Variants in PPM1E observed in about 807,000 individuals in gnomAD.
PPM1E encodes protein phosphatase, Mg2+/Mn2+ dependent 1E, also known as protein phosphatase 1E.
PPM1E carries 20 observed loss-of-function variants against 65.9 expected under a neutral mutation model. That is an observed-to-expected ratio of 0.30 (90% CI 0.21 to 0.44). PPM1E has a LOEUF of 0.44. PPM1E is among the 20% of genes least tolerant of loss of function. PPM1E has a pLI of 1.00. For missense variants in PPM1E, 713 were observed against 953.1 expected (o/e 0.75, Z 3.32); for synonymous variants, 352 against 374.9 (o/e 0.94, Z 0.70).
intron 1 of PPM1E, among the ~76,000 whole-genome samples, chr17:58,854,166 A>G (rs2050857370): frequency 6.6e-6 from 1 of 152,068 alleles, no homozygotes; most frequent in South Asian, 2.1e-4. Context: ...TTTTGGTGCT[A>G]CTATAAATAG....
chr17:58,864,621 C>T (rs1194640753), intron 1 of PPM1E, among the ~76,000 whole-genome samples: 2 of 151,388 alleles, frequency 1.3e-5, no homozygotes, highest in Non-Finnish European at 2.9e-5. Flanking sequence ...GCCTGGGCGA[C>T]AGAGCGAGAC....
At chr17:58,810,543 A>T (rs1038711445) in intron 1 of PPM1E, among the ~76,000 whole-genome samples, 1 of 151,950 alleles carries the variant, frequency 6.6e-6, no homozygotes, top group African/African-American at 2.4e-5. Context: ...GGAAGCAAAT[A>T]ATATATATAT....
At chr17:58,951,488 G>C (rs1053314691) in intron 1 of PPM1E, 1 of 152,128 alleles carries the variant, frequency 6.6e-6, no homozygotes, top group Non-Finnish European at 1.5e-5. Flanking sequence ...AGACCAGTCT[G>C]GGCAACATGG....
intron 1 of PPM1E, among the ~76,000 whole-genome samples, chr17:58,785,040 G>A (rs1246628697): frequency 6.6e-6 from 1 of 151,880 alleles, no homozygotes; most frequent in Non-Finnish European, 1.5e-5. Context: ...CATGTCCTTT[G>A]GTGTTGCCCA....
At chr17:58,820,275 T>C (rs113422643) in intron 1 of PPM1E, among the ~76,000 whole-genome samples, 1 of 152,110 alleles carries the variant, frequency 6.6e-6, no homozygotes, top group African/African-American at 2.4e-5. Context: ...ATAAACGGCA[T>C]GAATTTTTAT....
At chr17:58,776,639 TG>T (rs2049997320) in intron 1 of PPM1E, among the ~76,000 whole-genome samples, 1 of 152,208 alleles carries the variant, frequency 6.6e-6, no homozygotes, top group Non-Finnish European at 1.5e-5. Context: ...TGTCATTTAT[TG>T]CTTTATTTTA....
chr17:58,797,626 A>G (rs144622348), intron 1 of PPM1E, among the ~76,000 whole-genome samples: 4 of 152,196 alleles, frequency 2.6e-5, no homozygotes, highest in Non-Finnish European at 5.9e-5. Context: ...GTTGATGGAC[A>G]TCTGAGCGGT....
At chr17:58,778,927 C>CATAT (rs59563297) in intron 1 of PPM1E, among the ~76,000 whole-genome samples, 10,910 of 103,076 alleles carry the variant, frequency 0.11, 699 homozygotes, top group Middle Eastern at 0.14. Flanking sequence ...ATGATACATA[C>CATAT]ATATATATAT....
intron 1 of PPM1E, among the ~76,000 whole-genome samples, chr17:58,815,578 T>C (rs9972907): frequency 6.6e-6 from 1 of 152,214 alleles, no homozygotes; most frequent in Admixed American, 6.5e-5. Context: ...CTGTTAATGC[T>C]GTTCCTTTCA....
intron 1 of PPM1E, among the ~76,000 whole-genome samples, chr17:58,937,889 A>AG (rs2052005918): frequency 1.4e-5 from 2 of 145,716 alleles, no homozygotes; most frequent in African/African-American, 5.2e-5. Context: ...CAAAAAAAAA[A>AG]AAAAAAGAAA....
At chr17:58,919,832 G>C (rs2051730227) in intron 1 of PPM1E, among the ~76,000 whole-genome samples, 1 of 152,042 alleles carries the variant, frequency 6.6e-6, no homozygotes, top group South Asian at 2.1e-4. Flanking sequence ...TTTCTCCCAG[G>C]TGCTACATGA....
intron 1 of PPM1E, among the ~76,000 whole-genome samples, chr17:58,831,302 G>A (rs1347212301): frequency 6.6e-6 from 1 of 152,148 alleles, no homozygotes; most frequent in African/African-American, 2.4e-5. Flanking sequence ...AGCCACTGCA[G>A]ACTTAAAACT....
Position 58,983,059 on chromosome 17 carries a change from T to C in PPM1E, c.*2028T>C, listed in dbSNP as rs2031460886. ...ATGTTTTTGATCAGAATAAAGAGGG[T>C]AAAGGGAAAAAGTTACTACACATGC... On this transcript the variant is annotated 3_prime_UTR_variant, in exon 7 of 7. Coordinates refer to ENST00000308249, the MANE Select transcript of PPM1E (RefSeq NM_014906.5). 1.0e-5 allele frequency: 8 copies of C among 790,728 alleles called. No homozygotes were observed. The highest frequency in any genetic ancestry group is 7.8e-5 in the South Asian group (4 of 51,394). 49.0% of individuals were successfully genotyped at this position (790,728 alleles called of 1,614,324 possible). A position where few individuals can be genotyped will look rare whatever the true frequency, so the allele number is the denominator to read the frequency against.
intron 6 of PPM1E, 100 bp from the exon 7 acceptor site, chr17:58,979,874 C>T: frequency 1.1e-6 from 1 of 915,692 alleles, no homozygotes; most frequent in Non-Finnish European, 1.6e-6. Context: ...AGTTCACAAT[C>T]CAGTAAGCTG....
rs774498330 is a variant in PPM1E, at chr17:58,965,696, A to G, written c.586A>G (p.Ile196Val). 2.5e-6 allele frequency: 4 copies of G among 1,613,792 alleles called. No individual in the cohort carries two copies. The South Asian group carries it at 4.4e-5, about 18-fold the overall frequency. The change falls in exon 3 of 7, where the codon ATT becomes GTT. Residue 196 changes from isoleucine to valine, a missense_variant and splice_region_variant. Coordinates refer to ENST00000308249, the MANE Select transcript of PPM1E (RefSeq NM_014906.5). ...GGGTTTCTGTGTTTCTTTCACAGAG[A>G]TTGAGACAGTGAAATTGGCCCGTTC... Reference protein sequence around the residue: ...ETDGTEGTVEIETVKLARSVF... With the variant: ...ETDGTEGTVEVETVKLARSVF...
intron 1 of PPM1E, among the ~76,000 whole-genome samples, chr17:58,829,424 A>G (rs183203660): frequency 6.6e-6 from 1 of 152,258 alleles, no homozygotes; most frequent in African/African-American, 2.4e-5. Flanking sequence ...TTAGTTTTCT[A>G]TGTACCTATT....
intron 2 of PPM1E, among the ~76,000 whole-genome samples, chr17:58,956,946 A>G (rs923306877): frequency 1.1e-4 from 16 of 152,176 alleles, no homozygotes; most frequent in Non-Finnish European, 1.3e-4. Flanking sequence ...GAAAATCGGC[A>G]AGGAAGGAAT....
At chr17:58,964,009 T>G (rs2030132122) in intron 2 of PPM1E, among the ~76,000 whole-genome samples, 1 of 152,244 alleles carries the variant, frequency 6.6e-6, no homozygotes, top group Non-Finnish European at 1.5e-5. Context: ...TATAGCCATT[T>G]AAAAAATAAT....
chr17:58,788,279 G>C (rs2050122698), intron 1 of PPM1E, among the ~76,000 whole-genome samples: 1 of 152,100 alleles, frequency 6.6e-6, no homozygotes, highest in African/African-American at 2.4e-5. Context: ...TCGTACTCTT[G>C]ACCTCAAGTG....
Sources: gnomAD v4.1 joint callset for allele counts (sites outside exome capture counted in the v4.1 genomes callset) on GRCh38, gnomAD v4.1.1 for gene constraint, MANE v1.5 for transcripts, NCBI Gene and HGNC (gene_info 2026-07-23, HGNC 2026-07-21) for gene names.